Variants in XKR9 observed in about 807,000 individuals in gnomAD.
The protein encoded by XKR9 is XK-related protein 9.
Under a neutral mutation model 32.0 loss-of-function variants are expected in XKR9, and 32 were observed. The observed-to-expected ratio is 1.00, with a 90% confidence interval of 0.76 to 1.34. The LOEUF is 1.34. Among genes scored for constraint, XKR9 ranks in the 40% most tolerant of loss-of-function variants. The pLI is 0.00. For missense variants in XKR9, 546 were observed against 429.7 expected, an observed-to-expected ratio of 1.27 and a Z score of -2.39; for synonymous variants, 168 against 143.4, an observed-to-expected ratio of 1.17 and a Z score of -1.22.
At chr8:70,746,853 G>T (rs1240451582) in intron 2 of XKR9, among the ~76,000 whole-genome samples, 1 of 151,488 alleles carries the variant, frequency 6.6e-6, no homozygotes, top group African/African-American at 2.4e-5. Flanking sequence ...AGCGTCTATT[G>T]ATCCCATTGT....
chr8:70,838,716 A>G, the XKR9 span, among the ~76,000 whole-genome samples: 1 of 152,114 alleles, frequency 6.6e-6, no homozygotes, highest in African/African-American at 2.4e-5. Context: ...TACTTAATTT[A>G]GTCAAGGTCA....
chr8:71,032,465 A>G, the XKR9 span, among the ~76,000 whole-genome samples: 3 of 152,044 alleles, frequency 2.0e-5, no homozygotes, highest in Admixed American at 2.0e-4. Flanking sequence ...CTTTCATTTG[A>G]GTGGTTTCTG....
rs1806847266 is a variant in XKR9 at position 70,735,786 on chromosome 8, C to T, written c.*1362C>T. The T allele has an allele frequency of 6.6e-6, 1 of 151,968 alleles. No individual in the cohort carries two copies. The highest frequency in any genetic ancestry group is 2.1e-4 in the South Asian group (1 of 4,822). 9.4% of individuals were successfully genotyped at this position (151,968 alleles called of 1,614,324 possible). A position where few individuals can be genotyped will look rare whatever the true frequency, so the allele number is the denominator to read the frequency against. On this transcript the variant is annotated 3_prime_UTR_variant, in exon 5 of 5. Transcript: ENST00000408926. ...GCTTCATCCATGTCCCTACAAAGGACATGAACTCATCATTTTTTATGGCTG... is the reference window on the plus strand; with the variant it reads ...GCTTCATCCATGTCCCTACAAAGGATATGAACTCATCATTTTTTATGGCTG...
chr8:70,719,194 C>T (rs1806192687), intron 4 of XKR9, among the ~76,000 whole-genome samples: 2 of 151,832 alleles, frequency 1.3e-5, no homozygotes, highest in South Asian at 2.1e-4. Context: ...CTTGTAGATT[C>T]TGGATATTAG....
At chr8:70,748,313 C>T (rs938213705) in intron 2 of XKR9, among the ~76,000 whole-genome samples, 1 of 152,180 alleles carries the variant, frequency 6.6e-6, no homozygotes. Context: ...CCTGGGCATC[C>T]CTGCACTCGC....
chr8:70,949,832 G>A, the XKR9 span, among the ~76,000 whole-genome samples: 1 of 152,080 alleles, frequency 6.6e-6, no homozygotes, highest in Non-Finnish European at 1.5e-5. Flanking sequence ...TTTTTATTGT[G>A]TGCTTAGTAT....
chr8:71,034,616 G>C, the XKR9 span, among the ~76,000 whole-genome samples: 1 of 152,204 alleles, frequency 6.6e-6, no homozygotes, highest in African/African-American at 2.4e-5. Flanking sequence ...GAGGCCACAT[G>C]TAGGTGCTCT....
chr8:70,837,474 G>C, the XKR9 span, among the ~76,000 whole-genome samples: 4 of 152,100 alleles, frequency 2.6e-5, no homozygotes, highest in Non-Finnish European at 4.4e-5. Context: ...ATGAGTTGAA[G>C]AGATGGGACA....
chr8:70,903,812 A>G, the XKR9 span, among the ~76,000 whole-genome samples: 17 of 151,962 alleles, frequency 1.1e-4, no homozygotes, highest in Non-Finnish European at 1.8e-4. Context: ...TGCTCTAAAT[A>G]TGTCCCAGAG....
At chr8:70,757,749 G>T (rs1179461832) in intron 2 of XKR9, among the ~76,000 whole-genome samples, 5 of 152,032 alleles carry the variant, frequency 3.3e-5, no homozygotes, top group African/African-American at 4.8e-5. Flanking sequence ...ACCATGCCTG[G>T]CTAATTTTTG....
At chr8:70,732,471 A>G (rs1237137613) in intron 4 of XKR9, among the ~76,000 whole-genome samples, 1 of 152,174 alleles carries the variant, frequency 6.6e-6, no homozygotes, top group Non-Finnish European at 1.5e-5. Flanking sequence ...TGGCCTCTGG[A>G]TCCATTGCCA....
downstream of XKR9, among the ~76,000 whole-genome samples, chr8:70,738,199 AG>A (rs955825553): frequency 7.4e-6 from 1 of 134,734 alleles, no homozygotes; most frequent in African/African-American, 2.6e-5. Context: ...TAGTGTTGGG[AG>A]GGTGTATGTG....
chr8:70,688,663 G>A lies in XKR9; in HGVS notation c.272+7333G>A, dbSNP rs547986842. Among the ~76,000 whole-genome samples the A allele has an allele frequency of 4.0e-5, 6 of 150,838 alleles. No homozygotes were observed. In the South Asian group the frequency reaches 8.4e-4, roughly 21 times the overall value. ...GATCTCCTGACCTCGTGAGCCGCCC[G>A]CCTCGGCCTCCCAAAGTGCTGGGAT... is the stretch of plus-strand genomic sequence containing the variant. On this transcript the variant is annotated intron_variant, in intron 3 of 4. Transcript: ENST00000408926.
At chr8:70,696,357 G>T (rs1319662734) in intron 3 of XKR9, among the ~76,000 whole-genome samples, 1 of 152,098 alleles carries the variant, frequency 6.6e-6, no homozygotes, top group Non-Finnish European at 1.5e-5. Context: ...ATTAATTTTT[G>T]TATAAGGTGT....
chr8:70,741,483 A>G (rs1806981405), intron 2 of XKR9, among the ~76,000 whole-genome samples: 1 of 152,224 alleles, frequency 6.6e-6, no homozygotes, highest in Non-Finnish European at 1.5e-5. Context: ...ATGTAAGTGT[A>G]TTCATATTGT....
At chr8:70,792,017 A>G (rs770847647), downstream of XKR9, among the ~76,000 whole-genome samples, 17 of 151,856 alleles carry the variant, frequency 1.1e-4, no homozygotes, top group Non-Finnish European at 1.9e-4. Flanking sequence ...ACTGTTTCCT[A>G]CCACACACTT....
At chr8:71,049,737 G>A in the XKR9 span, among the ~76,000 whole-genome samples, 1 of 152,202 alleles carries the variant, frequency 6.6e-6, no homozygotes, top group East Asian at 1.9e-4. Flanking sequence ...GGAGACTCGT[G>A]TGAGGTCAGA....
the XKR9 span, among the ~76,000 whole-genome samples, chr8:70,978,538 T>C: frequency 2.0e-5 from 3 of 152,248 alleles, no homozygotes; most frequent in Non-Finnish European, 2.9e-5. Flanking sequence ...AAAATTCTTT[T>C]CTTTAAGAAT....
the XKR9 span, among the ~76,000 whole-genome samples, chr8:70,814,003 T>C: frequency 6.6e-6 from 1 of 152,338 alleles, no homozygotes; most frequent in South Asian, 2.1e-4. Flanking sequence ...CGTATGTTTA[T>C]TGCGGCATTA....
Sources: allele counts gnomAD v4.1 joint callset (sites outside exome capture counted in the v4.1 genomes callset), GRCh38; gene constraint gnomAD v4.1.1; transcripts MANE v1.5; gene names NCBI Gene and HGNC (gene_info 2026-07-23, HGNC 2026-07-21).